ZBTB46: variants seen among roughly 807,000 people sequenced by gnomAD.
The protein encoded by ZBTB46 is zinc finger and BTB domain containing 46, also known as zinc finger and BTB domain-containing protein 46.
Under a neutral mutation model 44.1 loss-of-function variants are expected in ZBTB46, and 8 were observed. That is an observed-to-expected ratio of 0.18 (90% CI 0.11 to 0.33). The LOEUF (loss-of-function observed/expected upper bound fraction) is 0.33, where lower values mean the gene tolerates loss of function less well. Among genes scored for constraint, ZBTB46 ranks in the 10% least tolerant of loss-of-function variants. The pLI is 1.00. For synonymous variants in ZBTB46, 409 were observed against 382.3 expected, an observed-to-expected ratio of 1.07 and a Z score of -0.81; for missense variants, 651 against 847.7, an observed-to-expected ratio of 0.77 and a Z score of 2.88.
intron 3 of ZBTB46, among the ~76,000 whole-genome samples, chr20:63,773,732 C>T (rs945617997): frequency 2.5e-4 from 38 of 152,084 alleles, no homozygotes; most frequent in African/African-American, 8.9e-4. Context: ...GATCCCCCTC[C>T]GACCGCACCC....
chr20:63,752,801 A>G lies in ZBTB46; in HGVS notation c.1283T>C (p.Met428Thr). The G allele has an allele frequency of 1.9e-6, 3 of 1,613,014 alleles. No individual in the cohort carries two copies. Among genetic ancestry groups the G allele is most frequent in the Non-Finnish European group, 2.5e-6 (3 of 1,179,430 alleles). The change falls in exon 4 of 5, where the codon ATG becomes ACG. Residue 428 changes from methionine to threonine, a missense_variant. Physicochemically the swap from Met to Thr is moderately conservative, Grantham distance 81. Transcript: ENST00000245663. The surrounding 1 kb of genome is among the most constrained non-coding windows in gnomAD (Gnocchi z 5.6). ...GTGTCGCTTGAGGATGCACTGGTGCATGGCCGAGAAGCTGCAGTACGGACA... is the reference window on the plus strand; with the variant it reads ...GTGTCGCTTGAGGATGCACTGGTGCGTGGCCGAGAAGCTGCAGTACGGACA... ...FKCPYCSFSA[M>T]HQCILKRHMR...
intron 1 of ZBTB46, among the ~76,000 whole-genome samples, chr20:63,809,558 TTCTCCC>T (rs2092706055): frequency 6.6e-6 from 1 of 152,174 alleles, no homozygotes; most frequent in South Asian, 2.1e-4. Flanking sequence ...CTCTCCCCTC[TTCTCCC>T]TTACGAAGTT....
intron 2 of ZBTB46, among the ~76,000 whole-genome samples, chr20:63,778,800 T>C (rs2092445581): frequency 6.6e-6 from 1 of 152,254 alleles, no homozygotes; most frequent in South Asian, 2.1e-4. Flanking sequence ...TTCTAGGAAC[T>C]AAATATACAG....
In ZBTB46 at chr20:63,775,740, A is replaced by AGG; in HGVS notation, c.1159_1160insCC (p.Val387AlafsTer23). ...CAGCAGGGAGCCGTCATCCCCCAGCACGTCGGCCTTCAGCGACAGCAGGCT... is the reference window on the plus strand; with the variant it reads ...CAGCAGGGAGCCGTCATCCCCCAGCAGGCGTCGGCCTTCAGCGACAGCAGGCT... On this transcript the variant is annotated frameshift_variant, in exon 3 of 5. Transcript: ENST00000245663. LOFTEE classifies it high-confidence loss of function. The AGG allele has an allele frequency of 6.2e-7, 1 of 1,611,874 alleles. No homozygotes were observed. The highest frequency in any genetic ancestry group is 1.3e-5 in the African/African-American group (1 of 75,022).
chr20:63,823,697 CA>C (rs996647997), intron 1 of ZBTB46, among the ~76,000 whole-genome samples: 1 of 150,772 alleles, frequency 6.6e-6, no homozygotes, highest in East Asian at 1.9e-4. Context: ...GGCCCCTTCT[CA>C]AAAAAAAATT....
At chr20:63,815,716 G>C (rs556471398) in intron 1 of ZBTB46, among the ~76,000 whole-genome samples, 56 of 146,822 alleles carry the variant, frequency 3.8e-4, no homozygotes, top group Admixed American at 2.7e-3. Flanking sequence ...CGCAGGTCGA[G>C]TGGGTGCAGG....
intron 1 of ZBTB46, among the ~76,000 whole-genome samples, chr20:63,824,239 C>T (rs1195732136): frequency 6.6e-6 from 1 of 152,070 alleles, no homozygotes; most frequent in African/African-American, 2.4e-5. Context: ...TGGGGCTGGA[C>T]CTGGACAAAC....
chr20:63,768,921 C>T (rs1040461699), intron 3 of ZBTB46, among the ~76,000 whole-genome samples: 4 of 152,154 alleles, frequency 2.6e-5, no homozygotes, highest in Non-Finnish European at 5.9e-5. Flanking sequence ...CCCACTGCAA[C>T]ATGAATTGAA....
rs755282623 is a variant in ZBTB46, at chr20:63,775,840, T to G, written c.1060A>C (p.Thr354Pro). Residue 354 changes from threonine (T) to proline (P), a missense_variant, in exon 3 of 5, where the codon ACC becomes CCC. Physicochemically the swap from Thr to Pro is conservative, Grantham distance 38. Around this residue, in one of 5 missense-constraint regions of ZBTB46, gnomAD observed 385 missense variants for 423.3 expected, o/e 0.91. Transcript: ENST00000245663. ...GEASYLGPPL[T>P]PEKDDALHQA... ...TGCAGGGCGTCGTCCTTCTCTGGGG[T>G]GAGGGGAGGGCCCAGATAGCTGGCT... The G allele has an allele frequency of 8.1e-6, 13 of 1,613,254 alleles. No individual in the cohort carries two copies. The East Asian group carries it at 2.2e-4, about 28-fold the overall frequency.
At chr20:63,765,201 GC>G (rs1391835895) in intron 3 of ZBTB46, among the ~76,000 whole-genome samples, 1 of 151,954 alleles carries the variant, frequency 6.6e-6, no homozygotes, top group Non-Finnish European at 1.5e-5. Flanking sequence ...TTTGTTTCTT[GC>G]TTCTTGGGAT....
intron 1 of ZBTB46, among the ~76,000 whole-genome samples, chr20:63,799,012 G>A (rs1023967494): frequency 2.6e-5 from 4 of 152,004 alleles, no homozygotes; most frequent in Admixed American, 6.6e-5. Context: ...TCTAAGAACT[G>A]CTCTCCACAA....
intron 3 of ZBTB46, among the ~76,000 whole-genome samples, chr20:63,772,444 C>T (rs1274977600): frequency 2.0e-5 from 3 of 152,024 alleles, no homozygotes; most frequent in Non-Finnish European, 4.4e-5. Context: ...TGGGGCCAGG[C>T]GGGATGGCTC....
intron 1 of ZBTB46, among the ~76,000 whole-genome samples, chr20:63,816,673 T>C (rs945365768): frequency 6.6e-5 from 10 of 152,094 alleles, no homozygotes; most frequent in African/African-American, 2.2e-4. Flanking sequence ...AGGGCTGAAA[T>C]GTGTCTGCTG....
chr20:63,757,116 G>T (rs1461503906), intron 3 of ZBTB46, among the ~76,000 whole-genome samples: 1 of 152,116 alleles, frequency 6.6e-6, no homozygotes, highest in East Asian at 1.9e-4. Flanking sequence ...AGAACTAGGG[G>T]TCAAGATTCC....
intron 2 of ZBTB46, among the ~76,000 whole-genome samples, chr20:63,781,439 A>G (rs2092469320): frequency 6.6e-6 from 1 of 152,208 alleles, no homozygotes; most frequent in South Asian, 2.1e-4. Flanking sequence ...CTGGACAGAC[A>G]CTTTACCAAA....
intron 1 of ZBTB46, among the ~76,000 whole-genome samples, chr20:63,802,443 G>A (rs1341336394): frequency 6.8e-6 from 1 of 147,216 alleles, no homozygotes; most frequent in Admixed American, 6.7e-5. Context: ...TGAGGTTACT[G>A]GGGGCCCCTA....
intron 1 of ZBTB46, among the ~76,000 whole-genome samples, chr20:63,808,385 G>C (rs1331924248): frequency 6.6e-6 from 1 of 152,218 alleles, no homozygotes; most frequent in Non-Finnish European, 1.5e-5. Context: ...ACGGAGCCCG[G>C]GGCTTCAGGG....
intron 1 of ZBTB46, among the ~76,000 whole-genome samples, chr20:63,822,716 G>A (rs1029956097): frequency 6.6e-6 from 1 of 152,082 alleles, no homozygotes; most frequent in Non-Finnish European, 1.5e-5. Context: ...AGTGAGTCTC[G>A]GAATTCCAGA....
rs755017 is a variant in ZBTB46, at chr20:63,790,269, A to G, written c.489T>C (p.Ala163=). ...CCAGCCACGGGGAGATGCTCCTCCCAGCCATCACGGCCGAGATGAGAGCTT... is the reference window on the plus strand; with the variant it reads ...CCAGCCACGGGGAGATGCTCCTCCCGGCCATCACGGCCGAGATGAGAGCTT... ...STEALISAVM[A]GRSISPWLAR... Residue 163 remains alanine (A), a synonymous_variant, in exon 2 of 5, where the codon GCT becomes GCC. Coordinates refer to ENST00000245663, the MANE Select transcript of ZBTB46 (RefSeq NM_001369741.1). 0.15 allele frequency: 237,177 copies of G among 1,611,810 alleles called. 21,026 individuals carry two copies. Among genetic ancestry groups the G allele is most frequent in the East Asian group, 0.44 (19,722 of 44,784 alleles).
Sources: allele counts gnomAD v4.1 joint callset (sites outside exome capture counted in the v4.1 genomes callset), GRCh38; gene constraint gnomAD v4.1.1; regional missense constraint gnomAD v4.1.1; non-coding constraint Gnocchi (gnomAD v3.1); transcripts MANE v1.5; gene names NCBI Gene and HGNC (gene_info 2026-07-23, HGNC 2026-07-21).